The following BLOC1S1 variants were observed in gnomAD, a reference collection of about 807,000 sequenced individuals.
The protein encoded by BLOC1S1 is biogenesis of lysosomal organelles complex 1 subunit 1, also known as biogenesis of lysosome-related organelles complex 1 subunit 1.
In BLOC1S1, 11 loss-of-function variants were observed where a neutral mutation model predicts 19.0. The ratio of observed to expected loss-of-function variants is 0.58; its 90% CI spans 0.37 to 0.96. The LOEUF is 0.96. Ranked by LOEUF, BLOC1S1 falls within the 40% of genes least tolerant of loss-of-function variation. The pLI is 0.01. For missense variants in BLOC1S1, 220 were observed against 195.9 expected (o/e 1.12, Z -0.73); for synonymous variants, 94 against 76.4 (o/e 1.23, Z -1.20).
intron 2 of BLOC1S1, among the ~76,000 whole-genome samples, chr12:55,718,514 GTGTT>G (rs935831842): frequency 7.9e-5 from 12 of 151,764 alleles, no homozygotes; most frequent in African/African-American, 2.7e-4. Context: ...GTGTGTGTGT[GTGTT>G]TGTGTGTGTT....
chr12:55,716,918 T>TC lies in BLOC1S1; in HGVS notation c.146-10dup. The TC allele has an allele frequency of 1.3e-6, 2 of 1,577,746 alleles. No homozygotes were observed. The highest frequency in any genetic ancestry group is 2.3e-5 in the South Asian group (2 of 85,352). ...ACCAAGTCTCCCCTCCAATTCCTTT[T>TC]CCCCCTCTCCCCAGAAAAGAGGAGG... is the stretch of plus-strand genomic sequence containing the variant. On this transcript the variant is annotated splice_polypyrimidine_tract_variant and intron_variant, in intron 1 of 3. Coordinates refer to ENST00000548925, the MANE Select transcript of BLOC1S1 (RefSeq NM_001487.4).
intron 2 of BLOC1S1, among the ~76,000 whole-genome samples, chr12:55,718,122 A>G (rs1171877980): frequency 1.3e-5 from 2 of 152,198 alleles, no homozygotes; most frequent in South Asian, 2.1e-4. Flanking sequence ...CAGATTAGAA[A>G]GGGTTTTGTG....
At position 55,716,982 on chromosome 12, in the gene BLOC1S1, T is replaced by C; in HGVS notation, c.195T>C (p.Ala65=). Residue 65 remains alanine (A), a synonymous_variant, in exon 2 of 4, where the codon GCT becomes GCC. Coordinates refer to ENST00000548925, the MANE Select transcript of BLOC1S1 (RefSeq NM_001487.4). ...AITAATCLTE[A]LVDHLNVGVA... is the part of the protein sequence containing the mutation. ...CTGCAGCGACCTGCCTGACAGAAGC[T>C]TTGGTGGATCACCTCAATGTGGGGT... is the stretch of plus-strand genomic sequence containing the variant. The C allele has an allele frequency of 1.3e-6, 2 of 1,598,990 alleles. No homozygotes were observed. Among genetic ancestry groups the C allele is most frequent in the Non-Finnish European group, 1.7e-6 (2 of 1,173,752 alleles).
At position 55,716,129 on chromosome 12, in the gene BLOC1S1, C is replaced by T. The variant is rs746864087; in HGVS notation, c.78C>T (p.Asp26=). The T allele has an allele frequency of 8.1e-6, 13 of 1,610,686 alleles. No homozygotes were observed. In the East Asian group the frequency reaches 1.6e-4, roughly 19 times the overall value. ...RGPGVPSPQP[D]VTMLSRLLKE... The stretch of plus-strand genomic sequence containing the variant: ...CCGGCGTACCCAGCCCCCAGCCCGA[C>T]GTGACCATGCTGTCCCGCCTCCTAA... The change falls in exon 1 of 4, where the codon GAC becomes GAT. Residue 26 remains aspartate, a synonymous_variant. Coordinates refer to ENST00000548925, the MANE Select transcript of BLOC1S1 (RefSeq NM_001487.4).
At chr12:55,718,713 A>G (rs897699524) in intron 2 of BLOC1S1, among the ~76,000 whole-genome samples, 7 of 152,082 alleles carry the variant, frequency 4.6e-5, no homozygotes, top group South Asian at 2.1e-4. Flanking sequence ...TAGGCTTCCA[A>G]TCACTGCCAG....
At chr12:55,717,655 TGGTACC>T (rs1329258239) in intron 2 of BLOC1S1, among the ~76,000 whole-genome samples, 2 of 152,182 alleles carry the variant, frequency 1.3e-5, no homozygotes, top group Non-Finnish European at 2.9e-5. Context: ...AAAGGCAGTA[TGGTACC>T]TTCCACCCCA....
chr12:55,718,893 C>T (rs576159424), intron 2 of BLOC1S1, among the ~76,000 whole-genome samples, 198 bp from the exon 3 acceptor site: 11 of 152,220 alleles, frequency 7.2e-5, no homozygotes, highest in African/African-American at 2.4e-4. Context: ...GAGCTTGGCT[C>T]TCCTGGGAAT....
intron 1 of BLOC1S1, chr12:55,716,700 A>C (rs1876570654): frequency 1.5e-6 from 2 of 1,309,416 alleles, no homozygotes; most frequent in Non-Finnish European, 1.9e-6. Flanking sequence ...GCTGCCGCTG[A>C]CTTCCTGGCG....
chr12:55,717,133 G>A (rs1484902023), intron 2 of BLOC1S1, 128 bp downstream of exon 2: 2 of 655,134 alleles, frequency 3.1e-6, no homozygotes. Context: ...ATCCTACCCC[G>A]CCCCTCCCAG....
In BLOC1S1 at chr12:55,719,166, T is replaced by C; in HGVS notation, c.294T>C (p.Phe98=). 6.2e-7 allele frequency: 1 copy of C among 1,613,800 alleles called. No homozygotes were observed. Among genetic ancestry groups the C allele is most frequent in the Non-Finnish European group, 8.5e-7 (1 of 1,179,986 alleles). The part of the protein sequence containing the change: ...VKTLQVQAAQ[F]AKQTGQWIGM... ...CCCTACAGGTCCAGGCTGCCCAATTTGCCAAGCAGACAGGCCAGTGGATCG... is the reference window on the plus strand; with the variant it reads ...CCCTACAGGTCCAGGCTGCCCAATTCGCCAAGCAGACAGGCCAGTGGATCG... Residue 98 remains phenylalanine (F), a synonymous_variant, in exon 3 of 4, where the codon TTT becomes TTC. Coordinates refer to ENST00000548925, the MANE Select transcript of BLOC1S1 (RefSeq NM_001487.4).
In BLOC1S1 at chr12:55,719,107, A is replaced by T; in HGVS notation, c.235A>T (p.Met79Leu). 6.2e-7 allele frequency: 1 copy of T among 1,613,990 alleles called. No individual in the cohort carries two copies. The highest frequency in any genetic ancestry group is 1.1e-5 in the South Asian group (1 of 91,078). ...HLNVGVAQAY[M>L]NQRKLDHEVK... Reference sequence around the variant, plus strand: ...ACCCCCCAGTGTGGCCCAGGCCTACATGAACCAGAGAAAGCTGGACCATGA... The same window carrying T: ...ACCCCCCAGTGTGGCCCAGGCCTACTTGAACCAGAGAAAGCTGGACCATGA... Residue 79 changes from methionine (M) to leucine (L), a missense_variant, in exon 3 of 4, where the codon ATG (methionine) becomes TTG (leucine). Physicochemically the swap from Met to Leu is conservative, Grantham distance 15. Transcript: ENST00000548925.
At chr12:55,718,491 C>CGTGT (rs1876735127) in intron 2 of BLOC1S1, among the ~76,000 whole-genome samples, 1 of 95,240 alleles carries the variant, frequency 1.0e-5, no homozygotes, top group East Asian at 5.0e-4. Flanking sequence ...GGAGGGAGAG[C>CGTGT]ATGTGTGTGT....
chr12:55,716,220 G>GT, intron 1 of BLOC1S1, 24 bp downstream of exon 1: 5 of 1,590,698 alleles, frequency 3.1e-6, no homozygotes, highest in Non-Finnish European at 3.4e-6. Context: ...CCTGTCGGCC[G>GT]TTTTCTCTTC....
rs1876780325 is a variant in BLOC1S1, at chr12:55,719,084, C to T, written c.219-7C>T. The T allele has an allele frequency of 6.2e-7, 1 of 1,613,172 alleles. No individual in the cohort carries two copies. The highest frequency in any genetic ancestry group is 1.3e-5 in the African/African-American group (1 of 74,986). ...GAGCTGATCTCCTCCCTCCTCCAAC[C>T]CCCCAGTGTGGCCCAGGCCTACATG... On this transcript the variant is annotated splice_polypyrimidine_tract_variant and splice_region_variant and intron_variant, in intron 2 of 3. Coordinates refer to ENST00000548925, the MANE Select transcript of BLOC1S1 (RefSeq NM_001487.4).
intron 1 of BLOC1S1, chr12:55,716,425 C>T: frequency 7.3e-7 from 1 of 1,375,414 alleles, no homozygotes; most frequent in Non-Finnish European, 9.3e-7. Flanking sequence ...CCCCCAATCC[C>T]CGACCTGCCG....
At position 55,716,166 on chromosome 12, in the gene BLOC1S1, G is replaced by A; in HGVS notation, c.115G>A (p.Ala39Thr). 1 of 1,612,432 alleles carries A rather than the reference G, an allele frequency of 6.2e-7. No homozygotes were observed. Among genetic ancestry groups the A allele is most frequent in the East Asian group, 2.2e-5 (1 of 44,736 alleles). Reference protein sequence around the residue: ...MLSRLLKEHQAKQNERKELQE... With the variant: ...MLSRLLKEHQTKQNERKELQE... ...GTCCCGCCTCCTAAAAGAACACCAG[G>A]CCAAGCAGAATGAACGCAAGGAGCT... Residue 39 changes from alanine (A) to threonine (T), a missense_variant, in exon 1 of 4, where the codon GCC (alanine) becomes ACC (threonine). Ala to Thr is a moderately conservative substitution (Grantham distance 58). Transcript: ENST00000548925.
chr12:55,718,493 T>C (rs1876736205), intron 2 of BLOC1S1, among the ~76,000 whole-genome samples: 1 of 17,264 alleles, frequency 5.8e-5, no homozygotes, highest in South Asian at 4.0e-3. Flanking sequence ...AGGGAGAGCA[T>C]GTGTGTGTGT....
intron 2 of BLOC1S1, among the ~76,000 whole-genome samples, chr12:55,718,492 ATGTG>A (rs5798357): frequency 4.9e-4 from 73 of 149,790 alleles, no homozygotes; most frequent in African/African-American, 1.1e-3. Flanking sequence ...GAGGGAGAGC[ATGTG>A]TGTGTGTGTG....
At chr12:55,716,835 G>C (rs1876583221) in intron 1 of BLOC1S1, 98 bp from the exon 2 acceptor site, 1 of 1,332,656 alleles carries the variant, frequency 7.5e-7, no homozygotes, top group Non-Finnish European at 1.0e-6. Flanking sequence ...AAGAAATTTC[G>C]GCAACTAGCA....
Sources: gnomAD v4.1 joint callset for allele counts (sites outside exome capture counted in the v4.1 genomes callset) on GRCh38, gnomAD v4.1.1 for gene constraint, MANE v1.5 for transcripts, NCBI Gene and HGNC (gene_info 2026-07-23, HGNC 2026-07-21) for gene names.